SLC39A14: variants seen among roughly 807,000 people sequenced by gnomAD.
SLC39A14 encodes solute carrier family 39 member 14.
Under a neutral mutation model 45.5 loss-of-function variants are expected in SLC39A14, and 19 were observed. That is an observed-to-expected ratio of 0.42 (90% CI 0.29 to 0.61). The LOEUF is 0.61. Among genes scored for constraint, SLC39A14 ranks in the 20% least tolerant of loss-of-function variants. SLC39A14 has a pLI of 0.22. For missense variants in SLC39A14, 447 were observed against 616.5 expected, an observed-to-expected ratio of 0.73 and a Z score of 2.91; for synonymous variants, 264 against 251.3, an observed-to-expected ratio of 1.05 and a Z score of -0.48.
chr8:22,393,214 G>A (rs1209751631), intron 1 of SLC39A14: 2 of 985,712 alleles, frequency 2.0e-6, no homozygotes, highest in East Asian at 1.1e-4. Context: ...GCTGGAGGAA[G>A]ATAATGCATC....
In SLC39A14 at chr8:22,420,438, C is replaced by G; in HGVS notation, c.*740C>G. 1.0e-6 allele frequency: 1 copy of G among 985,446 alleles called. No individual in the cohort carries two copies. The highest frequency in any genetic ancestry group is 1.2e-6 in the Non-Finnish European group (1 of 829,958). The allele number at this position is 985,446 out of a possible 1,614,324, so 61.0% of individuals were successfully genotyped here. A position where few individuals can be genotyped will look rare whatever the true frequency, so the allele number is the denominator to read the frequency against. The stretch of plus-strand genomic sequence containing the variant: ...GGCGGTGTGGCTGCCTGGACCTCCT[C>G]TTTCAGGTTAACGCTGACAGAATGG... On this transcript the variant is annotated 3_prime_UTR_variant, in exon 9 of 9. Transcript: ENST00000381237.
chr8:22,421,503 A>G lies in SLC39A14; in HGVS notation c.*1805A>G. On this transcript the variant is annotated 3_prime_UTR_variant, in exon 9 of 9. Transcript: ENST00000381237. Reference sequence around the variant, plus strand: ...TCAGGACTGATTTCCTGGTGGGATTATGGTCCAGTTTTACCAAAGAACCAA... The same window carrying G: ...TCAGGACTGATTTCCTGGTGGGATTGTGGTCCAGTTTTACCAAAGAACCAA... The G allele has an allele frequency of 4.1e-6, 4 of 985,764 alleles. No homozygotes were observed. The highest frequency in any genetic ancestry group is 4.8e-6 in the Non-Finnish European group (4 of 829,848). The allele number at this position is 985,764 out of a possible 1,614,324, so 61.1% of individuals were successfully genotyped here. A position where few individuals can be genotyped will look rare whatever the true frequency, so the allele number is the denominator to read the frequency against.
chr8:22,413,922 G>T (rs1420948880), intron 4 of SLC39A14, among the ~76,000 whole-genome samples: 1 of 151,966 alleles, frequency 6.6e-6, no homozygotes, highest in Non-Finnish European at 1.5e-5. Flanking sequence ...TTACAGGTGT[G>T]CCACCAGGCC....
At position 22,419,627 on chromosome 8, in the gene SLC39A14, C is replaced by T; in HGVS notation, c.1408C>T (p.Leu470=). The T allele has an allele frequency of 1.2e-6, 2 of 1,614,132 alleles. No homozygotes were observed. Among genetic ancestry groups the T allele is most frequent in the Non-Finnish European group, 1.7e-6 (2 of 1,179,992 alleles). The change falls in exon 9 of 9, where the codon CTG becomes TTG. Residue 470 remains leucine, a synonymous_variant. Transcript: ENST00000381237. ...SILIPFIIQN[L]GLLTGFTIMV... ...CTTGATTCCATTTATCATCCAGAAC[C>T]TGGGCCTCCTGACTGGATTCACCAT...
intron 1 of SLC39A14, among the ~76,000 whole-genome samples, chr8:22,391,604 T>C (rs1834076407): frequency 6.6e-6 from 1 of 151,734 alleles, no homozygotes; most frequent in African/African-American, 2.4e-5. Flanking sequence ...GAGTCTTTGC[T>C]CTGTTGCCCA....
chr8:22,420,469 C>T lies in SLC39A14; in HGVS notation c.*771C>T. 1 of 985,414 alleles carries T rather than the reference C, an allele frequency of 1.0e-6. No homozygotes were observed. Among genetic ancestry groups the T allele is most frequent in the Non-Finnish European group, 1.2e-6 (1 of 829,950 alleles). The allele number at this position is 985,414 out of a possible 1,614,324, so 61.0% of individuals were successfully genotyped here. A position where few individuals can be genotyped will look rare whatever the true frequency, so the allele number is the denominator to read the frequency against. ...GGTTAACGCTGACAGAATGGAGGCT[C>T]AGGCTGTCTGCAAGAAAACAGTTGG... is the stretch of plus-strand genomic sequence containing the variant. On this transcript the variant is annotated 3_prime_UTR_variant, in exon 9 of 9. Coordinates refer to ENST00000381237, the MANE Select transcript of SLC39A14 (RefSeq NM_001128431.4).
Position 22,404,754 on chromosome 8 carries a change from T to G in SLC39A14, c.44T>G (p.Leu15Arg). The change falls in exon 2 of 9, where the codon CTG (leucine) becomes CGG (arginine). Residue 15 changes from leucine (L) to arginine (R), a missense_variant. Coordinates refer to ENST00000381237, the MANE Select transcript of SLC39A14 (RefSeq NM_001128431.4). Reference sequence around the variant, plus strand: ...CACCCGGCCTTCCAGAGCTGCCTCCTGCTGACCCTGCTTGGCTTATGGAGA... The same window carrying G: ...CACCCGGCCTTCCAGAGCTGCCTCCGGCTGACCCTGCTTGGCTTATGGAGA... The part of the protein sequence containing the change: ...LLHPAFQSCL[L>R]LTLLGLWRTT... 1.2e-6 allele frequency: 2 copies of G among 1,613,816 alleles called. No homozygotes were observed. The highest frequency in any genetic ancestry group is 1.7e-6 in the Non-Finnish European group (2 of 1,179,878).
intron 1 of SLC39A14, among the ~76,000 whole-genome samples, chr8:22,371,439 T>TAC (rs1832929284): frequency 7.2e-6 from 1 of 139,640 alleles, no homozygotes; most frequent in Non-Finnish European, 1.6e-5. Flanking sequence ...TTTTTTTTTT[T>TAC]TTTTTTTTTT....
rs570839630 is a variant in SLC39A14 at position 22,382,862 on chromosome 8, A to G, written c.-16+15454A>G. Reference sequence around the variant, plus strand: ...CCTGAATAGTTGGAACCACAGAGGCATGCTACCATGCCCCCGCTAATTTTT... The same window carrying G: ...CCTGAATAGTTGGAACCACAGAGGCGTGCTACCATGCCCCCGCTAATTTTT... On this transcript the variant is annotated intron_variant, in intron 1 of 8. Transcript: ENST00000381237. Among the ~76,000 whole-genome samples, 18 of 150,540 alleles carry G rather than the reference A, an allele frequency of 1.2e-4. No individual in the cohort carries two copies. The South Asian group carries it at 3.8e-3, about 32-fold the overall frequency.
chr8:22,378,340 G>C (rs1041758683), intron 1 of SLC39A14, among the ~76,000 whole-genome samples: 2 of 152,228 alleles, frequency 1.3e-5, no homozygotes, highest in Non-Finnish European at 2.9e-5. Context: ...AGCATTGCAT[G>C]ACTGGCTTCA....
At chr8:22,392,505 T>A (rs1834134974) in intron 1 of SLC39A14, among the ~76,000 whole-genome samples, 1 of 152,176 alleles carries the variant, frequency 6.6e-6, no homozygotes, top group Non-Finnish European at 1.5e-5. Flanking sequence ...AAGTGATGGA[T>A]GTGAGTACCG....
chr8:22,372,484 T>C (rs977951796), intron 1 of SLC39A14, among the ~76,000 whole-genome samples: 1 of 152,190 alleles, frequency 6.6e-6, no homozygotes, highest in African/African-American at 2.4e-5. Flanking sequence ...AACACACATA[T>C]CACCCTGTCT....
At chr8:22,381,840 A>AGG (rs1833531970) in intron 1 of SLC39A14, among the ~76,000 whole-genome samples, 1 of 152,158 alleles carries the variant, frequency 6.6e-6, no homozygotes, top group East Asian at 1.9e-4. Context: ...TGAATATATC[A>AGG]GCAAAAATGG....
At chr8:22,375,788 A>G (rs1377313283) in intron 1 of SLC39A14, among the ~76,000 whole-genome samples, 1 of 152,038 alleles carries the variant, frequency 6.6e-6, no homozygotes, top group Non-Finnish European at 1.5e-5. Flanking sequence ...GCACCCAGCC[A>G]TGGCTGTATC....
rs112568651 is a variant in SLC39A14, at chr8:22,404,734, G to A, written c.24G>A (p.Pro8=). 9.5e-3 allele frequency: 15,276 copies of A among 1,613,480 alleles called. 98 individuals are homozygous for A. The highest frequency in any genetic ancestry group is 0.011 in the Non-Finnish European group (13,519 of 1,179,970). The part of the protein sequence containing the change: MKLLLLH[P]AFQSCLLLTL... ...CCATGAAGCTGCTGCTGCTGCACCC[G>A]GCCTTCCAGAGCTGCCTCCTGCTGA... The change falls in exon 2 of 9, where the codon CCG becomes CCA. Residue 8 remains proline, a synonymous_variant. Coordinates refer to ENST00000381237, the MANE Select transcript of SLC39A14 (RefSeq NM_001128431.4).
chr8:22,429,199 G>A (rs1232599678), intron 8 of SLC39A14, among the ~76,000 whole-genome samples: 1 of 152,154 alleles, frequency 6.6e-6, no homozygotes, highest in Non-Finnish European at 1.5e-5. Flanking sequence ...ATGAACCCGG[G>A]AGGCAGAGCT....
chr8:22,433,393 T>C (rs7812625), intron 8 of SLC39A14, among the ~76,000 whole-genome samples: 1 of 151,868 alleles, frequency 6.6e-6, no homozygotes, highest in African/African-American at 2.4e-5. Flanking sequence ...TTGTCCAGGA[T>C]GGAGTGCAGT....
chr8:22,372,107 G>A (rs1244717050), intron 1 of SLC39A14, among the ~76,000 whole-genome samples: 2 of 152,094 alleles, frequency 1.3e-5, no homozygotes, highest in Non-Finnish European at 2.9e-5. Context: ...TTAGGGCCAA[G>A]CCCTTTCCTT....
chr8:22,423,399 G>A (rs1488611824), downstream of SLC39A14, among the ~76,000 whole-genome samples: 5 of 150,818 alleles, frequency 3.3e-5, no homozygotes, highest in East Asian at 2.0e-4. Context: ...GCAATGGCAC[G>A]ATCTCGGCTC....
Sources: allele counts gnomAD v4.1 joint callset (sites outside exome capture counted in the v4.1 genomes callset), GRCh38; gene constraint gnomAD v4.1.1; transcripts MANE v1.5; gene names NCBI Gene and HGNC (gene_info 2026-07-23, HGNC 2026-07-21).